The following HMGXB3 variants were observed in gnomAD, a reference collection of about 807,000 sequenced individuals.
HMGXB3 encodes the protein HMG domain-containing protein 3.
In HMGXB3, 45 loss-of-function variants were observed where a neutral mutation model predicts 121.5. That is an observed-to-expected ratio of 0.37 (90% CI 0.29 to 0.47). HMGXB3 has a LOEUF of 0.47. Ranked by LOEUF, HMGXB3 falls within the 20% of genes least tolerant of loss-of-function variation. HMGXB3 has a pLI of 0.99. For missense variants in HMGXB3, 1,376 were observed against 1,602.2 expected (o/e 0.86, Z 2.41); for synonymous variants, 590 against 624.1 (o/e 0.95, Z 0.81).
At chr5:150,001,749 AAAAC>A (rs1276176444) in intron 1 of HMGXB3, among the ~76,000 whole-genome samples, 2 of 152,186 alleles carry the variant, frequency 1.3e-5, no homozygotes, top group Non-Finnish European at 1.5e-5. Context: ...ACAGGGTAAT[AAAAC>A]AAACAAAACC....
intron 5 of HMGXB3, among the ~76,000 whole-genome samples, chr5:150,013,319 T>A (rs1755885538): frequency 6.6e-6 from 1 of 152,226 alleles, no homozygotes; most frequent in Non-Finnish European, 1.5e-5. Flanking sequence ...AAATGCTTTT[T>A]CTGTGTCTAT....
chr5:150,024,300 C>T lies in HMGXB3; in HGVS notation c.1080C>T (p.Gly360=), dbSNP rs895445101. 1.7e-5 allele frequency: 26 copies of T among 1,545,270 alleles called. No homozygotes were observed. The highest frequency in any genetic ancestry group is 2.8e-5 in the African/African-American group (2 of 72,514). The change falls in exon 7 of 20, where the codon GGC becomes GGT. Residue 360 remains glycine (G), a synonymous_variant. Coordinates refer to ENST00000502717, the MANE Select transcript of HMGXB3 (RefSeq NM_014983.3). ...AAGTAAAAGTGGAATTGGCTTCTGG[C>T]GTCTCTTCCAAAGGCTCTGTGGTGA... ...PAKVKVELAS[G]VSSKGSVVKR...
In HMGXB3 at chr5:150,052,294, G is replaced by A; in HGVS notation, c.*102G>A. The A allele has an allele frequency of 1.1e-6, 1 of 938,104 alleles. No individual in the cohort carries two copies. Among genetic ancestry groups the A allele is most frequent in the Non-Finnish European group, 1.6e-6 (1 of 633,558 alleles). 58.1% of individuals were successfully genotyped at this position (938,104 alleles called of 1,614,324 possible). A position where few individuals can be genotyped will look rare whatever the true frequency, so the allele number is the denominator to read the frequency against. ...GACCTGCAGAAGTGGTCTCCTGTGG[G>A]GAGGGCCTCTGACTGCTGGGACTGA... On this transcript the variant is annotated 3_prime_UTR_variant, in exon 20 of 20. Coordinates refer to ENST00000502717, the MANE Select transcript of HMGXB3 (RefSeq NM_014983.3).
At chr5:150,014,851 C>T in intron 5 of HMGXB3, 1 of 512,990 alleles carries the variant, frequency 1.9e-6, no homozygotes. Context: ...ACTACCTGGT[C>T]TTCCCAAACA....
chr5:150,030,841 T>C lies in HMGXB3; in HGVS notation c.1833+2T>C, dbSNP rs1756355084. 1 of 1,548,920 alleles carries C rather than the reference T, an allele frequency of 6.5e-7. No individual in the cohort carries two copies. The highest frequency in any genetic ancestry group is 1.4e-5 in the African/African-American group (1 of 72,958). On this transcript the variant is annotated splice_donor_variant, in intron 10 of 19. Coordinates refer to ENST00000502717, the MANE Select transcript of HMGXB3 (RefSeq NM_014983.3). LOFTEE classifies it high-confidence loss of function. ...AAGTACAGCTGCACTGTCACATTGG[T>C]AAGTATGCAGCTAGGTGGTGGTGGG...
intron 5 of HMGXB3, among the ~76,000 whole-genome samples, chr5:150,018,251 T>C (rs773039960): frequency 6.6e-6 from 1 of 152,234 alleles, no homozygotes; most frequent in Admixed American, 6.5e-5. Context: ...CTGAGAGTAT[T>C]AAATGAAATA....
In HMGXB3 at chr5:150,036,900, C is replaced by T. The variant is rs1756513843; in HGVS notation, c.2248C>T (p.Leu750Phe). 2 of 1,551,650 alleles carry T rather than the reference C, an allele frequency of 1.3e-6. No individual in the cohort carries two copies. Among genetic ancestry groups the T allele is most frequent in the African/African-American group, 1.4e-5 (1 of 73,166 alleles). ...NYYESPSTQCLLCSSPLFKGG... is the reference protein window; with the variant it reads ...NYYESPSTQCFLCSSPLFKGG... ...TTATGAGTCTCCGTCCACGCAGTGCCTTCTCTGTAGCAGCCCATTATTCAA... is the reference window on the plus strand; with the variant it reads ...TTATGAGTCTCCGTCCACGCAGTGCTTTCTCTGTAGCAGCCCATTATTCAA... The change falls in exon 12 of 20, where the codon CTT (leucine) becomes TTT (phenylalanine). Residue 750 changes from leucine to phenylalanine, a missense_variant. Physicochemically the swap from Leu to Phe is conservative, Grantham distance 22. This residue lies in a region of HMGXB3 where 1,116 missense variants were observed against 1,369.0 expected (regional missense o/e 0.82). Coordinates refer to ENST00000502717, the MANE Select transcript of HMGXB3 (RefSeq NM_014983.3).
In HMGXB3 at chr5:150,037,444, G is replaced by A. The variant is rs757165444; in HGVS notation, c.2330G>A (p.Arg777His). The stretch of plus-strand genomic sequence containing the variant: ...GAGTGCTGGCTGCTGACAGCCAGCC[G>A]TCTGCAGACAGTGACTGCCCAGGTG... Reference protein sequence around the residue: ...PQECWLLTASRLQTVTAQVKM... With the variant: ...PQECWLLTASHLQTVTAQVKM... The change falls in exon 13 of 20, where the codon CGT (arginine) becomes CAT (histidine). Residue 777 changes from arginine to histidine, a missense_variant. Transcript: ENST00000502717. The A allele has an allele frequency of 6.5e-5, 101 of 1,551,034 alleles. No homozygotes were observed. Among genetic ancestry groups the A allele is most frequent in the Non-Finnish European group, 8.2e-5 (94 of 1,146,662 alleles).
chr5:150,037,031 A>T, intron 12 of HMGXB3, 94 bp downstream of exon 12: 1 of 1,129,676 alleles, frequency 8.9e-7, no homozygotes, highest in South Asian at 1.6e-5. Context: ...AACTGTGAAG[A>T]TGTTATTCTC....
intron 5 of HMGXB3, among the ~76,000 whole-genome samples, chr5:150,013,166 T>C (rs1755882783): frequency 6.6e-6 from 1 of 152,264 alleles, no homozygotes; most frequent in African/African-American, 2.4e-5. Context: ...CTTGTCCTCA[T>C]GTAAGGAGGA....
At position 150,007,760 on chromosome 5, in the gene HMGXB3, A is replaced by C. The variant is rs187245337; in HGVS notation, c.312+1113A>C. On this transcript the variant is annotated intron_variant, in intron 3 of 19. Coordinates refer to ENST00000502717, the MANE Select transcript of HMGXB3 (RefSeq NM_014983.3). ...CCCTTTGGTTTCCTTATTATAATAA[A>C]ATCAGCTGTCTAGGCTGGGTGTGGT... Among the ~76,000 whole-genome samples, 4 of 152,262 alleles carry C rather than the reference A, an allele frequency of 2.6e-5. No individual in the cohort carries two copies. The East Asian group carries it at 7.7e-4, about 29-fold the overall frequency.
intron 7 of HMGXB3, among the ~76,000 whole-genome samples, chr5:150,025,924 G>A (rs562178706): frequency 4.0e-5 from 6 of 151,368 alleles, no homozygotes; most frequent in Admixed American, 6.6e-5. Context: ...TCCGCCTCCC[G>A]GGTCCATGCC....
chr5:150,034,278 C>T (rs948969033), intron 11 of HMGXB3, among the ~76,000 whole-genome samples: 4 of 152,136 alleles, frequency 2.6e-5, no homozygotes, highest in Non-Finnish European at 5.9e-5. Flanking sequence ...TTTCTTAACT[C>T]CCTATGAGAC....
rs914245454 is a variant in HMGXB3 at position 150,051,763 on chromosome 5, T to C, written c.3450T>C (p.Thr1150=). The C allele has an allele frequency of 9.7e-6, 15 of 1,542,004 alleles. No homozygotes were observed. Among genetic ancestry groups the C allele is most frequent in the Non-Finnish European group, 1.2e-5 (14 of 1,146,778 alleles). Residue 1150 remains threonine (T), a synonymous_variant, in exon 20 of 20, where the codon ACT becomes ACC. Transcript: ENST00000502717. The stretch of plus-strand genomic sequence containing the variant: ...CAGAGCTCTTGGACCAGCATTATAC[T>C]GTGGACATGACAGAAACTGAGCACT... ...SCPELLDQHY[T]VDMTETEHSI...
chr5:150,011,567 C>T (rs1755837533), intron 4 of HMGXB3, among the ~76,000 whole-genome samples: 1 of 150,640 alleles, frequency 6.6e-6, no homozygotes, highest in Non-Finnish European at 1.5e-5. Context: ...AAGCGTGCAA[C>T]TAGCCGGTTG....
chr5:150,023,662 A>G (rs1756155445), intron 6 of HMGXB3, among the ~76,000 whole-genome samples: 1 of 152,250 alleles, frequency 6.6e-6, no homozygotes, highest in Non-Finnish European at 1.5e-5. Flanking sequence ...GTGAGTTTGA[A>G]TATTTGTAGC....
At chr5:150,044,768 A>G (rs530498134) in intron 15 of HMGXB3, among the ~76,000 whole-genome samples, 7 of 152,356 alleles carry the variant, frequency 4.6e-5, no homozygotes, top group African/African-American at 1.7e-4. Flanking sequence ...TAAGTAAGCT[A>G]TACAACTGTG....
intron 19 of HMGXB3, among the ~76,000 whole-genome samples, chr5:150,051,226 A>C (rs922214576): frequency 1.6e-4 from 25 of 152,230 alleles, no homozygotes; most frequent in African/African-American, 5.8e-4. Flanking sequence ...CAAGGCCAGC[A>C]GGCCAGCCTT....
chr5:150,052,272 C>T lies in HMGXB3; in HGVS notation c.*80C>T. On this transcript the variant is annotated 3_prime_UTR_variant, in exon 20 of 20. Transcript: ENST00000502717. ...CCTGAGGCAGAGCTATCCAGGGGAC[C>T]TGCAGAAGTGGTCTCCTGTGGGGAG... The T allele has an allele frequency of 8.6e-7, 1 of 1,168,668 alleles. No homozygotes were observed. The highest frequency in any genetic ancestry group is 1.2e-6 in the Non-Finnish European group (1 of 837,502). 72.4% of individuals were successfully genotyped at this position (1,168,668 alleles called of 1,614,324 possible).
Sources: gnomAD v4.1 joint callset for allele counts (sites outside exome capture counted in the v4.1 genomes callset) on GRCh38, gnomAD v4.1.1 for gene constraint, gnomAD v4.1.1 regional missense constraint, MANE v1.5 for transcripts, NCBI Gene and HGNC (gene_info 2026-07-23, HGNC 2026-07-21) for gene names.